Variants in RAD51D observed in about 807,000 individuals in gnomAD.
RAD51D encodes DNA repair protein RAD51 homolog 4.
In RAD51D, 38 loss-of-function variants were observed where a neutral mutation model predicts 44.1. The ratio of observed to expected loss-of-function variants is 0.86; its 90% CI spans 0.67 to 1.13. The LOEUF is 1.13. Ranked by LOEUF, RAD51D falls within the 50% of genes most tolerant of loss-of-function variation. The pLI, the probability that RAD51D is intolerant of heterozygous loss-of-function variation, is 0.00. For synonymous variants in RAD51D, 141 were observed against 166.6 expected (o/e 0.85, Z 1.18); for missense variants, 390 against 414.0 (o/e 0.94, Z 0.50).
In RAD51D at chr17:35,107,444, A is replaced by G. The variant is rs766228268; in HGVS notation, c.267T>C (p.Leu89=). The G allele has an allele frequency of 1.3e-6, 2 of 1,542,060 alleles. No individual in the cohort carries two copies. Among genetic ancestry groups the G allele is most frequent in the Admixed American group, 1.7e-5 (1 of 59,894 alleles). Residue 89 remains leucine (L), a synonymous_variant, in exon 4 of 10, where the codon CTT becomes CTC. Transcript: ENST00000345365. ...AGAGACCAGCATCAAGCAGTTTATC[A>G]AGACTGATGGCAGAAGAGAAGAAAA... ...TAILSTGIGS[L]DKLLDAGLYT...
At chr17:35,119,453 G>A (rs2091795293) in intron 1 of RAD51D, 79 bp downstream of exon 1, 3 of 1,486,400 alleles carry the variant, frequency 2.0e-6, no homozygotes, top group Non-Finnish European at 2.8e-6. Flanking sequence ...AGGTATGCCA[G>A]GGCAGTGCGC....
In RAD51D at chr17:35,106,406, G is replaced by C. The variant is rs387906843; in HGVS notation, c.556C>G (p.Arg186Gly). The C allele has an allele frequency of 6.2e-7, 1 of 1,613,080 alleles. No homozygotes were observed. Among genetic ancestry groups the C allele is most frequent in the South Asian group, 1.1e-5 (1 of 90,786 alleles). Residue 186 changes from arginine (R) to glycine (G), a missense_variant, in exon 6 of 10, where the codon CGA becomes GGA. Coordinates refer to ENST00000345365, the MANE Select transcript of RAD51D (RefSeq NM_002878.4). ...CTCACCTGCTGGGCCACAGTGCCTC[G>C]GAGCTCCTGCAGCACATCCAGCATC... is the stretch of plus-strand genomic sequence containing the variant. ...FQMLDVLQEL[R>G]GTVAQQVTGS...
intron 3 of RAD51D, 78 bp from the exon 4 acceptor site, chr17:35,107,525 G>T: frequency 5.1e-6 from 6 of 1,176,402 alleles, no homozygotes; most frequent in South Asian, 1.2e-5. Context: ...AGAAAAGTAA[G>T]ACATTTCTTT....
intron 5 of RAD51D, 27 bp downstream of exon 5, chr17:35,106,961 C>T (rs2142431760): frequency 1.9e-6 from 3 of 1,614,142 alleles, no homozygotes; most frequent in Non-Finnish European, 1.7e-6. Flanking sequence ...GTCAGAATCT[C>T]AATGGAACCC....
At position 35,093,237 on chromosome 17, in the gene RAD51D, C is replaced by T. The variant is rs2091467136; in HGVS notation, c.*7716G>A. On this transcript the variant is annotated 3_prime_UTR_variant, in exon 10 of 10. Coordinates refer to ENST00000345365, the MANE Select transcript of RAD51D (RefSeq NM_002878.4). ...TCTATGAAACAGATATTATTTTTCC[C>T]ATTTCACGGTGGATGAAACTAAGGC... is the stretch of plus-strand genomic sequence containing the variant. 1 of 152,114 alleles carries T rather than the reference C, an allele frequency of 6.6e-6. No homozygotes were observed. The highest frequency in any genetic ancestry group is 1.5e-5 in the Non-Finnish European group (1 of 68,022). The allele number at this position is 152,114 out of a possible 1,614,324, so 9.4% of individuals were successfully genotyped here.
chr17:35,107,030 G>A lies in RAD51D; in HGVS notation c.438C>T (p.Leu146=), dbSNP rs145452047. The A allele has an allele frequency of 6.2e-7, 1 of 1,614,038 alleles. No homozygotes were observed. The highest frequency in any genetic ancestry group is 1.3e-5 in the African/African-American group (1 of 74,912). ...GGGTTTTAGCCTGAAGCAGCTGGAG[G>A]AGGCGGGAAGCTGTCAGCCCTCCAT... is the stretch of plus-strand genomic sequence containing the variant. ...DSNGGLTASR[L]LQLLQAKTQD... Residue 146 remains leucine (L), a synonymous_variant, in exon 5 of 10, where the codon CTC becomes CTT. Transcript: ENST00000345365.
chr17:35,119,427 A>G (rs2142479294), intron 1 of RAD51D, 105 bp downstream of exon 1: 3 of 1,334,704 alleles, frequency 2.2e-6, no homozygotes, highest in Non-Finnish European at 3.2e-6. Flanking sequence ...CTAGGAATGG[A>G]GGGGAAGCGC....
At position 35,119,119 on chromosome 17, in the gene RAD51D, A is replaced by G. The variant is rs980673532; in HGVS notation, c.136T>C (p.Ser46Pro). ...GGAGATCAGGAGCTCACCTTGTAAG[A>G]CAAGCCACATTTCTGAGCTACCTCT... ...LEEVAQKCGL[S>P]YKALVALRRV... Residue 46 changes from serine to proline, a missense_variant, in exon 2 of 10, where the codon TCT becomes CCT. Physicochemically the swap from Ser to Pro is moderately conservative, Grantham distance 74 (BLOSUM62 -1). Transcript: ENST00000345365. 4 of 1,613,618 alleles carry G rather than the reference A, an allele frequency of 2.5e-6. No individual in the cohort carries two copies. Among genetic ancestry groups the G allele is most frequent in the Non-Finnish European group, 3.4e-6 (4 of 1,179,506 alleles).
chr17:35,111,737 T>C (rs2091679437), intron 3 of RAD51D, among the ~76,000 whole-genome samples: 1 of 152,216 alleles, frequency 6.6e-6, no homozygotes, highest in Admixed American at 6.5e-5. Flanking sequence ...GCTATCCTTT[T>C]TCCAAATTGT....
In RAD51D at chr17:35,103,454, C is replaced by T. The variant is rs1064793247; in HGVS notation, c.667G>A (p.Gly223Ser). Residue 223 changes from glycine (G) to serine (S), a missense_variant and splice_region_variant, in exon 7 of 10, where the codon GGC becomes AGC. Physicochemically the swap from Gly to Ser is moderately conservative, Grantham distance 56. Transcript: ENST00000345365. This position sits in a 1 kb window ranked among gnomAD's most constrained non-coding sequence, Gnocchi z 4.1. ...SPLLGGQQRE[G>S]LALMMQLARE... ...CCCCAGGCTCTGCCACATCACTCACCTTCCCTCTGCTGACCTCCCAGAAGT... is the reference window on the plus strand; with the variant it reads ...CCCCAGGCTCTGCCACATCACTCACTTTCCCTCTGCTGACCTCCCAGAAGT... 1.2e-6 allele frequency: 2 copies of T among 1,614,086 alleles called. No individual in the cohort carries two copies. The highest frequency in any genetic ancestry group is 2.2e-5 in the South Asian group (2 of 91,078).
At chr17:35,113,127 C>T (rs957411154) in intron 3 of RAD51D, among the ~76,000 whole-genome samples, 3 of 152,306 alleles carry the variant, frequency 2.0e-5, no homozygotes, top group East Asian at 1.9e-4. Flanking sequence ...TTCTATGCCA[C>T]GGCCTGTACC....
intron 3 of RAD51D, among the ~76,000 whole-genome samples, chr17:35,109,205 A>C (rs2091646909): frequency 6.6e-6 from 1 of 152,094 alleles, no homozygotes; most frequent in East Asian, 1.9e-4. Context: ...TTCCCTTGAG[A>C]TCCATCCCAG....
chr17:35,101,250 C>G lies in RAD51D; in HGVS notation c.854G>C (p.Gly285Ala), dbSNP rs878854565. 6.2e-7 allele frequency: 1 copy of G among 1,614,192 alleles called. No individual in the cohort carries two copies. The highest frequency in any genetic ancestry group is 1.1e-5 in the South Asian group (1 of 91,084). ...CGCCATGCGCCGGCCGCCTGATGCT[C>G]CTGCTCCCTCGATGGTGTCCAGGAG... Reference protein sequence around the residue: ...RILLDTIEGAGASGGRRMACL... With the variant: ...RILLDTIEGAAASGGRRMACL... The change falls in exon 9 of 10, where the codon GGA (glycine) becomes GCA (alanine). Residue 285 changes from glycine to alanine, a missense_variant. Gly to Ala is a moderately conservative substitution (Grantham distance 60). Transcript: ENST00000345365.
chr17:35,098,409 A>AT lies in RAD51D; in HGVS notation c.*2543dup, dbSNP rs11293580. The AT allele has an allele frequency of 0.084, 11,145 of 132,978 alleles. 1,374 individuals are homozygous for AT. Among genetic ancestry groups the AT allele is most frequent in the African/African-American group, 0.27 (9,442 of 35,538 alleles). 8.2% of individuals were successfully genotyped at this position (132,978 alleles called of 1,614,324 possible). On this transcript the variant is annotated 3_prime_UTR_variant, in exon 10 of 10. Transcript: ENST00000345365. ...GCCACGACGCCTGGCTAATTTTTGC[A>AT]TTTTTTTTTTTTTTTTGAGACGGAG...
Position 35,109,157 on chromosome 17 carries a change from G to A in RAD51D, c.264-1710C>T, listed in dbSNP as rs28743175. Among the ~76,000 whole-genome samples the A allele has an allele frequency of 4.4e-3, 666 of 152,152 alleles. 6 individuals are homozygous for A. Among genetic ancestry groups the A allele is most frequent in the African/African-American group, 0.014 (596 of 41,500 alleles). On this transcript the variant is annotated intron_variant, in intron 3 of 9. Transcript: ENST00000345365. ...GCGGGGATTACAGACATGAGCCACCGTGCCTGGCCCTGCGATTGGCTTTTT... is the reference window on the plus strand; with the variant it reads ...GCGGGGATTACAGACATGAGCCACCATGCCTGGCCCTGCGATTGGCTTTTT...
At position 35,093,816 on chromosome 17, in the gene RAD51D, T is replaced by C. The variant is rs1376015804; in HGVS notation, c.*7137A>G. On this transcript the variant is annotated 3_prime_UTR_variant, in exon 10 of 10. Coordinates refer to ENST00000345365, the MANE Select transcript of RAD51D (RefSeq NM_002878.4). ...ATTCAGGATCACTTTGGATTAATAATATACCTAACTCTAATTTAAGGTCTA... is the reference window on the plus strand; with the variant it reads ...ATTCAGGATCACTTTGGATTAATAACATACCTAACTCTAATTTAAGGTCTA... 3.3e-5 allele frequency: 5 copies of C among 152,198 alleles called. No individual in the cohort carries two copies. Among genetic ancestry groups the C allele is most frequent in the Non-Finnish European group, 5.9e-5 (4 of 68,064 alleles). 9.4% of individuals were successfully genotyped at this position (152,198 alleles called of 1,614,324 possible).
At position 35,107,382 on chromosome 17, in the gene RAD51D, C is replaced by T. The variant is rs587780103; in HGVS notation, c.329G>A (p.Gly110Asp). 6.4e-7 allele frequency: 1 copy of T among 1,560,160 alleles called. No homozygotes were observed. The highest frequency in any genetic ancestry group is 1.1e-5 in the South Asian group (1 of 89,994). The change falls in exon 4 of 10, where the codon GGT (glycine) becomes GAT (aspartate). Residue 110 changes from glycine to aspartate, a missense_variant. By Grantham distance (94) the Gly-to-Asp change is moderately conservative. Coordinates refer to ENST00000345365, the MANE Select transcript of RAD51D (RefSeq NM_002878.4). ...CACATGTACCTGAGTTTTGCCGCTA[C>T]CTGGGCCTCCTACAATTTCAGTCAC... ...GEVTEIVGGP[G>D]SGKTQVCLCM...
In RAD51D at chr17:35,099,444, C is replaced by A. The variant is rs1406509664; in HGVS notation, c.*1509G>T. 2 of 190,812 alleles carry A rather than the reference C, an allele frequency of 1.0e-5. No individual in the cohort carries two copies. Among genetic ancestry groups the A allele is most frequent in the Non-Finnish European group, 2.2e-5 (2 of 89,864 alleles). The allele number at this position is 190,812 out of a possible 1,614,324, so 11.8% of individuals were successfully genotyped here. ...TTGCAATTTCCAGCTTCATGTATTG[C>A]ATCTTACTGTGGTTGCAGGAATGTG... On this transcript the variant is annotated 3_prime_UTR_variant, in exon 10 of 10. Coordinates refer to ENST00000345365, the MANE Select transcript of RAD51D (RefSeq NM_002878.4).
At position 35,092,410 on chromosome 17, in the gene RAD51D, T is replaced by TA. The variant is rs1251015105; in HGVS notation, c.*8542dup. ...TATTTCTGGCAAGAGCTGGAAGAAT[T>TA]AATAGTGACCGACCACCTACTATGT... On this transcript the variant is annotated 3_prime_UTR_variant, in exon 10 of 10. Transcript: ENST00000345365. 1 of 151,690 alleles carries TA rather than the reference T, an allele frequency of 6.6e-6. No homozygotes were observed. Among genetic ancestry groups the TA allele is most frequent in the African/African-American group, 2.4e-5 (1 of 40,936 alleles). 9.4% of individuals were successfully genotyped at this position (151,690 alleles called of 1,614,324 possible). A position where few individuals can be genotyped will look rare whatever the true frequency, so the allele number is the denominator to read the frequency against.
Sources: allele counts gnomAD v4.1 joint callset (sites outside exome capture counted in the v4.1 genomes callset), GRCh38; gene constraint gnomAD v4.1.1; non-coding constraint Gnocchi (gnomAD v3.1); transcripts MANE v1.5; gene names NCBI Gene and HGNC (gene_info 2026-07-23, HGNC 2026-07-21).